The following NEK10 variants were observed in gnomAD, a reference collection of about 807,000 sequenced individuals.
NEK10 encodes serine/threonine-protein kinase Nek10.
A neutral mutation model predicts 159.8 loss-of-function variants in NEK10; 122 were observed. That is an observed-to-expected ratio of 0.76 (90% CI 0.66 to 0.89). NEK10 has a LOEUF of 0.89. Among genes scored for constraint, NEK10 ranks in the 40% least tolerant of loss-of-function variants. NEK10 has a pLI of 0.00. For missense variants in NEK10, 1,342 were observed against 1,323.1 expected (o/e 1.01, Z -0.22); for synonymous variants, 466 against 457.1 (o/e 1.02, Z -0.25).
intron 5 of NEK10, among the ~76,000 whole-genome samples, chr3:27,342,408 C>A (rs1171052595): frequency 6.6e-6 from 1 of 152,078 alleles, no homozygotes; most frequent in African/African-American, 2.4e-5. Context: ...CATCTTTTAC[C>A]CAATGCCTTT....
intron 1 of NEK10, 86 bp from the exon 2 acceptor site, chr3:27,353,005 A>G (rs1374345926): frequency 1.1e-5 from 7 of 632,704 alleles, no homozygotes; most frequent in African/African-American, 5.5e-5. Flanking sequence ...CCCACTTATA[A>G]CATCTATTTA....
intron 30 of NEK10, among the ~76,000 whole-genome samples, chr3:27,144,840 G>A (rs533156724): frequency 6.6e-6 from 1 of 152,178 alleles, no homozygotes; most frequent in Admixed American, 6.5e-5. Flanking sequence ...TCCTGCCTCA[G>A]CCTCCCGTGT....
chr3:27,238,638 C>A (rs965629396), intron 23 of NEK10, among the ~76,000 whole-genome samples: 2 of 151,584 alleles, frequency 1.3e-5, no homozygotes, highest in African/African-American at 4.9e-5. Context: ...AAAATATATG[C>A]CATTGGTAAC....
At chr3:27,310,843 T>C in intron 9 of NEK10, 106 bp downstream of exon 9, 1 of 648,304 alleles carries the variant, frequency 1.5e-6, no homozygotes, top group Non-Finnish European at 2.7e-6. Context: ...CTGGTAGGTT[T>C]GTGGATTCTA....
chr3:27,225,725 C>T (rs1952567204), intron 23 of NEK10, among the ~76,000 whole-genome samples: 1 of 152,208 alleles, frequency 6.6e-6, no homozygotes, highest in Non-Finnish European at 1.5e-5. Context: ...CAACACCACC[C>T]TTTCCCCTGG....
chr3:27,232,236 T>C (rs752588759), intron 23 of NEK10, among the ~76,000 whole-genome samples: 67 of 151,942 alleles, frequency 4.4e-4, no homozygotes, highest in Middle Eastern at 3.4e-3. Flanking sequence ...ATAATCAATG[T>C]ACACAAACCA....
intron 23 of NEK10, among the ~76,000 whole-genome samples, chr3:27,209,154 T>C (rs951424816): frequency 6.6e-6 from 1 of 152,196 alleles, no homozygotes; most frequent in African/African-American, 2.4e-5. Flanking sequence ...AAAAATGCAA[T>C]AGTTGAAAAA....
intron 29 of NEK10, among the ~76,000 whole-genome samples, chr3:27,164,619 C>G (rs1181586885): frequency 3.3e-5 from 5 of 152,134 alleles, no homozygotes; most frequent in East Asian, 3.9e-4. Context: ...CACATTTAAG[C>G]TGCTCAAGAG....
Position 27,285,115 on chromosome 3 carries a change from C to T in NEK10, c.1790-154G>A, listed in dbSNP as rs1575589339. Among the ~76,000 whole-genome samples the T allele has an allele frequency of 2.6e-5, 4 of 152,172 alleles. No homozygotes were observed. In the East Asian group the frequency reaches 7.7e-4, roughly 29 times the overall value. ...GTGCTAAAATATGGATCCACTCAGCCCTGGAAGAGGTGGAGGTGAGGGGGT... is the reference window on the plus strand; with the variant it reads ...GTGCTAAAATATGGATCCACTCAGCTCTGGAAGAGGTGGAGGTGAGGGGGT... On this transcript the variant is annotated intron_variant, in intron 20 of 35. Coordinates refer to ENST00000691995, the MANE Select transcript of NEK10 (RefSeq NM_001394966.1).
intron 23 of NEK10, among the ~76,000 whole-genome samples, chr3:27,243,141 G>A (rs115091469): frequency 0.023 from 3,424 of 152,104 alleles, 89 homozygotes; most frequent in South Asian, 0.099. Flanking sequence ...AACAATTTCT[G>A]GCACTTCAAA....
chr3:27,306,099 C>A (rs925385138), intron 11 of NEK10, among the ~76,000 whole-genome samples: 5 of 152,168 alleles, frequency 3.3e-5, no homozygotes, highest in Non-Finnish European at 5.9e-5. Context: ...CATGGCACCA[C>A]AATATTTTCA....
chr3:27,174,458 A>G lies in NEK10; in HGVS notation c.2757T>C (p.Pro919=). 1 of 1,612,170 alleles carries G rather than the reference A, an allele frequency of 6.2e-7. No individual in the cohort carries two copies. Among genetic ancestry groups the G allele is most frequent in the Admixed American group, 1.7e-5 (1 of 59,430 alleles). Reference sequence around the variant, plus strand: ...GCTTACTGAATGTAGATTCTTTCAGAGGGCTTGAACTGGAGCTGCTGGAGT... The same window carrying G: ...GCTTACTGAATGTAGATTCTTTCAGGGGGCTTGAACTGGAGCTGCTGGAGT... The part of the protein sequence containing the change: ...SDNSSSSSSS[P]LKESTFNILK... Residue 919 remains proline (P), a synonymous_variant, in exon 28 of 36, where the codon CCT becomes CCC. Coordinates refer to ENST00000691995, the MANE Select transcript of NEK10 (RefSeq NM_001394966.1).
At chr3:27,173,945 A>T (rs1027265922) in intron 28 of NEK10, among the ~76,000 whole-genome samples, 1 of 152,176 alleles carries the variant, frequency 6.6e-6, no homozygotes, top group African/African-American at 2.4e-5. Context: ...CAAGATTAAC[A>T]TTATGGACGG....
chr3:27,319,941 G>A (rs533175), intron 6 of NEK10, among the ~76,000 whole-genome samples: 62,593 of 151,982 alleles, frequency 0.41, 17,277 homozygotes, highest in African/African-American at 0.8. Context: ...GAACAAGAGA[G>A]GAAAGGAACA....
At chr3:27,221,107 T>G (rs1952059250) in intron 23 of NEK10, among the ~76,000 whole-genome samples, 1 of 152,166 alleles carries the variant, frequency 6.6e-6, no homozygotes, top group South Asian at 2.1e-4. Context: ...TGATTTTGGA[T>G]TACACAATGG....
rs565332635 is a variant in NEK10, at chr3:27,287,065, C to T, written c.1789+633G>A. On this transcript the variant is annotated intron_variant, in intron 20 of 35. Transcript: ENST00000691995. ...TCATTCTTCAAGTGGAGATTTATTT[C>T]GACATTTCATATGTGACACATATCA... Among the ~76,000 whole-genome samples, 8 of 148,218 alleles carry T rather than the reference C, an allele frequency of 5.4e-5. No homozygotes were observed. In the East Asian group the frequency reaches 9.8e-4, roughly 18 times the overall value.
chr3:27,355,446 A>C (rs141770361), intron 1 of NEK10, among the ~76,000 whole-genome samples: 83 of 152,022 alleles, frequency 5.5e-4, no homozygotes, highest in African/African-American at 2.0e-3. Context: ...CCTAGTAACA[A>C]ATGCCCCTAG....
At chr3:27,365,805 G>T (rs1271255758) in intron 1 of NEK10, among the ~76,000 whole-genome samples, 2 of 151,652 alleles carry the variant, frequency 1.3e-5, no homozygotes, top group Non-Finnish European at 2.9e-5. Flanking sequence ...TAGAGACGGG[G>T]TTTCACCATG....
intron 12 of NEK10, among the ~76,000 whole-genome samples, chr3:27,304,330 G>A (rs1158106677): frequency 6.6e-6 from 1 of 152,070 alleles, no homozygotes; most frequent in African/African-American, 2.4e-5. Flanking sequence ...TAACATATGT[G>A]CACACACAAA....
Sources: gnomAD v4.1 joint callset for allele counts (sites outside exome capture counted in the v4.1 genomes callset) on GRCh38, gnomAD v4.1.1 for gene constraint, MANE v1.5 for transcripts, NCBI Gene and HGNC (gene_info 2026-07-23, HGNC 2026-07-21) for gene names.